ATG10: variants seen among roughly 807,000 people sequenced by gnomAD.
The protein encoded by ATG10 is ubiquitin-like-conjugating enzyme ATG10.
A neutral mutation model predicts 32.1 loss-of-function variants in ATG10; 30 were observed. The observed-to-expected ratio is 0.94, with a 90% CI of 0.70 to 1.27. The LOEUF (loss-of-function observed/expected upper bound fraction) is 1.27, where lower values mean the gene tolerates loss of function less well. ATG10 is among the 50% of genes most tolerant of loss of function. ATG10 has a pLI of 0.00. For synonymous variants in ATG10, 87 were observed against 91.5 expected (o/e 0.95, Z 0.28); for missense variants, 233 against 262.3 (o/e 0.89, Z 0.77).
intron 1 of ATG10, among the ~76,000 whole-genome samples, chr5:81,982,497 G>A (rs766743142): frequency 1.3e-5 from 2 of 150,278 alleles, no homozygotes; most frequent in Non-Finnish European, 3.0e-5. Flanking sequence ...CATGAGGAGC[G>A]CTGACTCATT....
chr5:82,069,735 T>G (rs1764061128), intron 3 of ATG10, among the ~76,000 whole-genome samples: 2 of 152,308 alleles, frequency 1.3e-5, no homozygotes, highest in Admixed American at 1.3e-4. Context: ...TCATTATCAG[T>G]TTATTATCTA....
chr5:82,201,760 G>A lies in ATG10; in HGVS notation c.453+23173G>A, dbSNP rs114886147. 2.7e-3 allele frequency among the ~76,000 whole-genome samples: 416 copies of A among 152,306 alleles called. 1 individual carries two copies. The highest frequency in any genetic ancestry group is 9.7e-3 in the African/African-American group (405 of 41,558). On this transcript the variant is annotated intron_variant, in intron 5 of 7. Coordinates refer to ENST00000282185, the MANE Select transcript of ATG10 (RefSeq NM_031482.5). Reference sequence around the variant, plus strand: ...TTAACATCTTAATGAGTCTTCTAATGTGTGAATAAGGTATAACTCTCCATT... The same window carrying A: ...TTAACATCTTAATGAGTCTTCTAATATGTGAATAAGGTATAACTCTCCATT...
chr5:82,034,417 A>G (rs1267662854), intron 2 of ATG10, among the ~76,000 whole-genome samples: 1 of 152,216 alleles, frequency 6.6e-6, no homozygotes, highest in Non-Finnish European at 1.5e-5. Context: ...GTACCACCTT[A>G]GCGCAGGCTG....
intron 5 of ATG10, among the ~76,000 whole-genome samples, chr5:82,184,263 G>C (rs1214987423): frequency 6.6e-6 from 1 of 152,002 alleles, no homozygotes; most frequent in African/African-American, 2.4e-5. Context: ...AGAGCGAATG[G>C]GAAGACTAAA....
At chr5:82,052,887 A>G (rs944772712) in intron 2 of ATG10, among the ~76,000 whole-genome samples, 2 of 152,192 alleles carry the variant, frequency 1.3e-5, no homozygotes, top group African/African-American at 4.8e-5. Flanking sequence ...ATCTTCACTG[A>G]TGGAAATTTA....
chr5:82,117,826 A>G (rs1220573540), intron 3 of ATG10, among the ~76,000 whole-genome samples: 1 of 152,142 alleles, frequency 6.6e-6, no homozygotes, highest in Non-Finnish European at 1.5e-5. Flanking sequence ...AAGTCAAGTG[A>G]TGGCTGGACT....
chr5:82,003,555 G>A (rs1761908344), intron 2 of ATG10, among the ~76,000 whole-genome samples: 1 of 152,170 alleles, frequency 6.6e-6, no homozygotes, highest in South Asian at 2.1e-4. Flanking sequence ...TCAAAGATAA[G>A]ACAATTTGAG....
Position 82,017,953 on chromosome 5 carries a change from A to G in ATG10, c.108+30275A>G, listed in dbSNP as rs913722400. On this transcript the variant is annotated intron_variant, in intron 2 of 7. Transcript: ENST00000282185. ...AATATTAGTGCCCATGAGCAGTCCT[A>G]TGTCTTATTCTCATCTCTAGCTAGT... Among the ~76,000 whole-genome samples, 11 of 152,016 alleles carry G rather than the reference A, an allele frequency of 7.2e-5. No homozygotes were observed. The East Asian group carries it at 1.9e-3, about 27-fold the overall frequency.
At chr5:82,243,325 A>C (rs193264565) in intron 5 of ATG10, among the ~76,000 whole-genome samples, 1 of 152,134 alleles carries the variant, frequency 6.6e-6, no homozygotes, top group East Asian at 1.9e-4. Context: ...AAAAAAAGTG[A>C]AATCAAATTA....
rs372782808 is a variant in ATG10, at chr5:82,164,521, T to C, written c.339T>C (p.Phe113=). ...GCTACCAAGTGCCTGTACTTTACTT[T>C]AGGGCAAGCTTTTTAGGTAAGAACA... The part of the protein sequence containing the change: ...SCSYQVPVLY[F]RASFLDGRPL... Residue 113 remains phenylalanine, a synonymous_variant, in exon 4 of 8, where the codon TTT becomes TTC. Transcript: ENST00000282185. The C allele has an allele frequency of 4.1e-5, 66 of 1,612,032 alleles. 1 individual carries two copies. In the African/African-American group the frequency reaches 8.0e-4, roughly 20 times the overall value.
At chr5:82,069,740 TATC>T (rs1262217225) in intron 3 of ATG10, among the ~76,000 whole-genome samples, 1 of 152,188 alleles carries the variant, frequency 6.6e-6, no homozygotes, top group Non-Finnish European at 1.5e-5. Context: ...ATCAGTTTAT[TATC>T]TATTTTATTA....
chr5:82,024,488 G>A (rs1262599543), intron 2 of ATG10, among the ~76,000 whole-genome samples: 1 of 151,994 alleles, frequency 6.6e-6, no homozygotes, highest in African/African-American at 2.4e-5. Context: ...TGTATGTTTT[G>A]GATTTTTTAA....
rs1439535173 is a variant in ATG10, at chr5:81,974,112, TC to T, written c.-13+1807del. On this transcript the variant is annotated intron_variant, in intron 1 of 7. Transcript: ENST00000282185. ...AGGAGAGTAAAGCTTACAGAAGATT[TC>T]TTAAGATGGGCTTGATTTGATTATC... Among the ~76,000 whole-genome samples the T allele has an allele frequency of 3.3e-5, 5 of 152,272 alleles. No individual in the cohort carries two copies. The East Asian group carries it at 9.7e-4, about 29-fold the overall frequency.
At chr5:82,003,163 G>C (rs893667832) in intron 2 of ATG10, among the ~76,000 whole-genome samples, 1 of 152,076 alleles carries the variant, frequency 6.6e-6, no homozygotes, top group African/African-American at 2.4e-5. Flanking sequence ...TTATGTTAAG[G>C]TCATCAGGAG....
At chr5:82,079,366 C>CT (rs763929580) in intron 3 of ATG10, among the ~76,000 whole-genome samples, 280 of 142,802 alleles carry the variant, frequency 2.0e-3, no homozygotes, top group Admixed American at 3.5e-3. Context: ...TTCAGGGAAA[C>CT]TTTTTTTTTT....
chr5:82,235,170 ACT>A (rs1442236212), intron 5 of ATG10, among the ~76,000 whole-genome samples: 1 of 151,384 alleles, frequency 6.6e-6, no homozygotes, highest in African/African-American at 2.4e-5. Context: ...TATCATTATG[ACT>A]CTCTTCTTTC....
intron 1 of ATG10, among the ~76,000 whole-genome samples, chr5:81,978,608 A>C (rs1028564018): frequency 6.6e-6 from 1 of 152,216 alleles, no homozygotes; most frequent in Admixed American, 6.5e-5. Context: ...TGATAAAAGT[A>C]ATGATACTGG....
At chr5:82,061,884 G>T (rs955671237) in intron 3 of ATG10, among the ~76,000 whole-genome samples, 1 of 131,580 alleles carries the variant, frequency 7.6e-6, no homozygotes, top group Admixed American at 8.9e-5. Flanking sequence ...GGAGTGCAGT[G>T]GCACAGTCAG....
At chr5:82,082,506 G>A (rs1047033425) in intron 3 of ATG10, among the ~76,000 whole-genome samples, 2 of 152,056 alleles carry the variant, frequency 1.3e-5, no homozygotes, top group East Asian at 3.9e-4. Flanking sequence ...TCATTTTAAA[G>A]ACCCTCTTGA....
Sources: gnomAD v4.1 joint callset for allele counts (sites outside exome capture counted in the v4.1 genomes callset) on GRCh38, gnomAD v4.1.1 for gene constraint, MANE v1.5 for transcripts, NCBI Gene and HGNC (gene_info 2026-07-23, HGNC 2026-07-21) for gene names.